The following EYS variants were observed in gnomAD, a reference collection of about 807,000 sequenced individuals.
The protein encoded by EYS is EGF-like photoreceptor maintenance factor, also known as protein eyes shut homolog.
In EYS, 250 loss-of-function variants were observed where a neutral mutation model predicts 282.1. The observed-to-expected ratio is 0.89, with a 90% CI of 0.80 to 0.98. The LOEUF is 0.98. Among genes scored for constraint, EYS ranks in the 50% least tolerant of loss-of-function variants. EYS has a pLI of 0.00. For missense variants in EYS, 4,016 were observed against 3,709.0 expected, an observed-to-expected ratio of 1.08 and a Z score of -2.15; for synonymous variants, 1,355 against 1,282.9, an observed-to-expected ratio of 1.06 and a Z score of -1.20.
At chr6:65,631,072 A>C (rs1247545262) in intron 2 of EYS, among the ~76,000 whole-genome samples, 1 of 152,238 alleles carries the variant, frequency 6.6e-6, no homozygotes, top group Non-Finnish European at 1.5e-5. Context: ...GCTACTTGTT[A>C]GTATTTTCAC....
At chr6:64,404,974 T>C (rs1773660471) in intron 28 of EYS, among the ~76,000 whole-genome samples, 1 of 150,704 alleles carries the variant, frequency 6.6e-6, no homozygotes, top group East Asian at 1.9e-4. Context: ...TTAACACTCT[T>C]ATTTATTTTA....
At chr6:65,598,231 CCCA>C (rs1157222947) in intron 2 of EYS, among the ~76,000 whole-genome samples, 19 of 49,456 alleles carry the variant, frequency 3.8e-4, no homozygotes, top group East Asian at 1.5e-3. Context: ...GACCCTCCTC[CCCA>C]CCCACCCCCC....
intron 11 of EYS, among the ~76,000 whole-genome samples, chr6:65,321,601 C>A (rs1769477308): frequency 1.3e-5 from 2 of 152,170 alleles, no homozygotes; most frequent in African/African-American, 4.8e-5. Context: ...TGTTGGGAGC[C>A]ACCTTAGTTG....
intron 36 of EYS, among the ~76,000 whole-genome samples, chr6:63,812,315 A>G (rs1313361602): frequency 6.6e-6 from 1 of 152,130 alleles, no homozygotes. Flanking sequence ...CAAAAGCTGC[A>G]TGGCCTGCTC....
At chr6:64,357,449 C>T (rs778426766) in intron 29 of EYS, among the ~76,000 whole-genome samples, 1 of 151,526 alleles carries the variant, frequency 6.6e-6, no homozygotes, top group East Asian at 2.0e-4. Context: ...CCTTCTTTGC[C>T]ACTAATTCTA....
At chr6:64,319,388 T>A (rs372325679) in intron 29 of EYS, among the ~76,000 whole-genome samples, 6 of 151,872 alleles carry the variant, frequency 4.0e-5, no homozygotes, top group Admixed American at 1.3e-4. Flanking sequence ...TACCAATTGA[T>A]TAAATCAATG....
At chr6:64,463,815 C>A (rs1476801034) in intron 26 of EYS, among the ~76,000 whole-genome samples, 1 of 152,048 alleles carries the variant, frequency 6.6e-6, no homozygotes, top group Non-Finnish European at 1.5e-5. Context: ...TCTTATCAAA[C>A]AAAATCCCCG....
intron 22 of EYS, chr6:64,728,727 C>G (rs1305749762): frequency 6.6e-6 from 1 of 152,298 alleles, no homozygotes; most frequent in Non-Finnish European, 1.5e-5. Flanking sequence ...GTGGTGGTTG[C>G]TCTCCACCAG....
At chr6:65,628,054 TA>T (rs1766780023) in intron 2 of EYS, among the ~76,000 whole-genome samples, 1 of 152,174 alleles carries the variant, frequency 6.6e-6, no homozygotes, top group Non-Finnish European at 1.5e-5. Context: ...TCAGGGATTG[TA>T]AACACACCAA....
At chr6:64,664,893 G>A (rs1769175695) in intron 22 of EYS, among the ~76,000 whole-genome samples, 2 of 152,254 alleles carry the variant, frequency 1.3e-5, no homozygotes, top group South Asian at 2.1e-4. Context: ...GTTTTATATA[G>A]CAACCTGAAC....
intron 22 of EYS, among the ~76,000 whole-genome samples, chr6:64,669,908 TTAGA>T (rs1769383867): frequency 6.6e-6 from 1 of 152,172 alleles, no homozygotes; most frequent in Non-Finnish European, 1.5e-5. Context: ...CAGCTTAACG[TTAGA>T]TAGGTTGTTT....
intron 6 of EYS, 144 bp from the exon 7 acceptor site, chr6:65,402,749 T>A: frequency 1.7e-6 from 1 of 575,270 alleles, no homozygotes; most frequent in East Asian, 3.0e-5. Context: ...AGATTCTATT[T>A]TCCAAAATGT....
intron 2 of EYS, among the ~76,000 whole-genome samples, chr6:65,623,564 G>T (rs1766596841): frequency 6.6e-6 from 1 of 151,876 alleles, no homozygotes; most frequent in African/African-American, 2.4e-5. Context: ...GTGCCTAGGG[G>T]AAAGTTTAAT....
Position 65,334,969 on chromosome 6 carries a change from T to C in EYS, c.1766+11A>G, listed in dbSNP as rs1445441402. On this transcript the variant is annotated intron_variant, in intron 11 of 42. Coordinates refer to ENST00000503581, the MANE Select transcript of EYS (RefSeq NM_001142800.2). The stretch of plus-strand genomic sequence containing the variant: ...TATGTGATATTATCTGCTCAAATGA[T>C]ACATAAATACCTGGGTCTATTAATT... 1.2e-6 allele frequency: 2 copies of C among 1,602,446 alleles called. No individual in the cohort carries two copies. The highest frequency in any genetic ancestry group is 1.7e-4 in the Middle Eastern group (1 of 6,024).
chr6:65,060,461 A>T (rs895485046), intron 12 of EYS, among the ~76,000 whole-genome samples: 1 of 151,976 alleles, frequency 6.6e-6, no homozygotes, highest in African/African-American at 2.4e-5. Flanking sequence ...TTAGAGGATG[A>T]TGTAAAAAAC....
At chr6:63,848,064 C>T (rs1279525543) in intron 36 of EYS, among the ~76,000 whole-genome samples, 1 of 151,968 alleles carries the variant, frequency 6.6e-6, no homozygotes, top group African/African-American at 2.4e-5. Flanking sequence ...GTGGTTTCTG[C>T]TTGGTTTAGG....
At chr6:65,019,510 C>A (rs947490698) in intron 13 of EYS, among the ~76,000 whole-genome samples, 3 of 152,110 alleles carry the variant, frequency 2.0e-5, no homozygotes, top group Non-Finnish European at 4.4e-5. Flanking sequence ...ATTTCTGATA[C>A]CTAACATAGA....
intron 31 of EYS, among the ~76,000 whole-genome samples, chr6:64,138,787 T>C (rs572756879): frequency 4.1e-4 from 63 of 152,284 alleles, no homozygotes; most frequent in African/African-American, 1.5e-3. Context: ...AAATGAGAGG[T>C]TGACTGCTTC....
At chr6:63,897,648 A>G (rs1015065723) in intron 35 of EYS, among the ~76,000 whole-genome samples, 3 of 152,218 alleles carry the variant, frequency 2.0e-5, no homozygotes, top group Non-Finnish European at 4.4e-5. Flanking sequence ...GTGAAGACAT[A>G]TCTGTTGTTT....
Sources: allele counts gnomAD v4.1 joint callset (sites outside exome capture counted in the v4.1 genomes callset), GRCh38; gene constraint gnomAD v4.1.1; transcripts MANE v1.5; gene names NCBI Gene and HGNC (gene_info 2026-07-23, HGNC 2026-07-21).